MORC4: variants seen among roughly 807,000 people sequenced by gnomAD.
MORC4 encodes MORC family CW-type zinc finger protein 4.
In MORC4, 22 loss-of-function variants were observed where a neutral mutation model predicts 65.5. The observed-to-expected ratio is 0.34, with a 90% CI of 0.24 to 0.48. The LOEUF (loss-of-function observed/expected upper bound fraction) is 0.48, where lower values mean the gene tolerates loss of function less well. MORC4 is among the 20% of genes least tolerant of loss of function. The pLI, the probability that MORC4 is intolerant of heterozygous loss-of-function variation, is 0.99. For missense variants in MORC4, 624 were observed against 703.0 expected (o/e 0.89, Z 1.27); for synonymous variants, 267 against 255.8 (o/e 1.04, Z -0.42).
chrX:106,941,791 G>T, intron 16 of MORC4, 147 bp downstream of exon 16: 2 of 806,758 alleles, frequency 2.5e-6, no homozygotes, highest in South Asian at 2.6e-5. Flanking sequence ...CAGGGAGACT[G>T]GCTGCAGCTT....
At chrX:106,994,846 TTG>T (rs1353771938) in intron 2 of MORC4, among the ~76,000 whole-genome samples, 3 of 111,280 alleles carry the variant, frequency 2.7e-5, no homozygotes, top group African/African-American at 9.8e-5. Flanking sequence ...AGCCACTTTT[TTG>T]TGTTTTTATT....
At chrX:106,986,426 A>G (rs1282060730) in intron 3 of MORC4, among the ~76,000 whole-genome samples, 3 of 112,031 alleles carry the variant, frequency 2.7e-5, no homozygotes, top group Non-Finnish European at 5.6e-5. Context: ...GTTTGTGTAT[A>G]CATAAATAGT....
intron 14 of MORC4, among the ~76,000 whole-genome samples, chrX:106,947,351 C>T (rs1170682615): frequency 9.3e-6 from 1 of 107,880 alleles, no homozygotes; most frequent in Admixed American, 1.0e-4. Context: ...GTATGTATGT[C>T]AGGTCTGGTT....
chrX:106,966,836 A>C (rs1027435200), intron 9 of MORC4, among the ~76,000 whole-genome samples: 2 of 112,806 alleles, frequency 1.8e-5, no homozygotes, highest in Non-Finnish European at 3.8e-5. Flanking sequence ...ACAGCTCAGC[A>C]AGGCCTACTG....
intron 9 of MORC4, among the ~76,000 whole-genome samples, chrX:106,970,889 C>T (rs1285777763): frequency 1.8e-5 from 2 of 111,744 alleles, no homozygotes; most frequent in East Asian, 5.6e-4. Context: ...GGCCTTAGTG[C>T]CCAAAGTAAT....
In MORC4 at chrX:106,941,471, T is replaced by C. The variant is rs772996935; in HGVS notation, c.*8A>G. 6 of 1,191,490 alleles carry C rather than the reference T, an allele frequency of 5.0e-6. No homozygotes were observed. In the East Asian group the frequency reaches 1.8e-4, roughly 36 times the overall value. On this transcript the variant is annotated 3_prime_UTR_variant, in exon 17 of 17. Coordinates refer to ENST00000355610, the MANE Select transcript of MORC4 (RefSeq NM_024657.5). ...GATAAGAGAAGAGAAGGGTATACAG[T>C]CTGGTGCTCAATCCAGTATGTGATT...
chrX:106,985,258 A>T lies in MORC4; in HGVS notation c.527-15T>A, dbSNP rs1334213592. ...AATCATTTTTTGTAAAATCAAATAT[A>T]GTCAAAGAAAAAATAATATCTTAGG... On this transcript the variant is annotated splice_polypyrimidine_tract_variant and intron_variant, in intron 4 of 16. Transcript: ENST00000355610. 9.1e-7 allele frequency: 1 copy of T among 1,101,979 alleles called. No homozygotes were observed. Among genetic ancestry groups the T allele is most frequent in the African/African-American group, 1.8e-5 (1 of 54,587 alleles). The allele number at this position is 1,101,979 out of a possible 1,213,427, so 90.8% of individuals were successfully genotyped here.
chrX:106,952,495 C>T (rs1193898437), intron 14 of MORC4, among the ~76,000 whole-genome samples: 2 of 112,276 alleles, frequency 1.8e-5, no homozygotes, highest in East Asian at 2.8e-4. Flanking sequence ...TTATGCGGCA[C>T]GATTATACAT....
intron 3 of MORC4, among the ~76,000 whole-genome samples, chrX:106,987,987 A>T (rs1014747407): frequency 3.6e-5 from 4 of 111,266 alleles, no homozygotes; most frequent in African/African-American, 9.8e-5. Flanking sequence ...ATTGGCTTTT[A>T]AAAAAAATGG....
chrX:106,951,468 T>C (rs1933965491), intron 14 of MORC4, among the ~76,000 whole-genome samples: 1 of 110,553 alleles, frequency 9.0e-6, no homozygotes, highest in Non-Finnish European at 1.9e-5. Flanking sequence ...CAGCCTATGC[T>C]CAAGCGATCC....
chrX:106,978,053 T>C, intron 8 of MORC4, 27 bp downstream of exon 8: 2 of 1,206,852 alleles, frequency 1.7e-6, no homozygotes, highest in Non-Finnish European at 2.2e-6. Context: ...TTCAGCCTCC[T>C]ATGACAAAGA....
intron 9 of MORC4, among the ~76,000 whole-genome samples, chrX:106,963,220 G>T (rs953567488): frequency 8.9e-6 from 1 of 111,797 alleles, no homozygotes; most frequent in Non-Finnish European, 1.9e-5. Context: ...TGGGCATATG[G>T]GAAGATGGCA....
rs748784874 is a variant in MORC4, at chrX:106,985,985, T to C, written c.524A>G (p.Asn175Ser). 44 of 1,197,894 alleles carry C rather than the reference T, an allele frequency of 3.7e-5. No homozygotes were observed. The highest frequency in any genetic ancestry group is 4.3e-5 in the Non-Finnish European group (38 of 885,482). Residue 175 changes from asparagine (N) to serine (S), a missense_variant and splice_region_variant, in exon 4 of 17, where the codon AAC becomes AGC. Asn to Ser is a conservative substitution (Grantham distance 46). Transcript: ENST00000355610. ...IVPIVPFNQQ[N>S]KKMIITEDSL... ...TTCTCCATTTCCAGAAAGGATATTGTTTTGCTGGTTGAATGGAACAATTGG... is the reference window on the plus strand; with the variant it reads ...TTCTCCATTTCCAGAAAGGATATTGCTTTGCTGGTTGAATGGAACAATTGG...
At chrX:106,942,258 A>G (rs745455130) in intron 15 of MORC4, 37 bp from the exon 16 acceptor site, 11 of 1,173,536 alleles carry the variant, frequency 9.4e-6, no homozygotes, top group African/African-American at 9.0e-5. Flanking sequence ...TGACCCCACA[A>G]AAGAGCACGC....
At position 106,942,724 on chromosome X, in the gene MORC4, T is replaced by C; in HGVS notation, c.2167A>G (p.Lys723Glu). 3 of 1,211,538 alleles carry C rather than the reference T, an allele frequency of 2.5e-6. No individual in the cohort carries two copies. In the African/African-American group the frequency reaches 5.2e-5, roughly 21 times the overall value. Reference protein sequence around the residue: ...FNREELAERRKAVESWNPVPY... With the variant: ...FNREELAERREAVESWNPVPY... ...ACTGGGTTCCAGGATTCAACTGCTT[T>C]TCGTCTCTCAGCAAGCTCCTCTCTG... The change falls in exon 15 of 17, where the codon AAA (lysine) becomes GAA (glutamate). Residue 723 changes from lysine (K) to glutamate (E), a missense_variant. By Grantham distance (56) the Lys-to-Glu change is moderately conservative. Coordinates refer to ENST00000355610, the MANE Select transcript of MORC4 (RefSeq NM_024657.5).
intron 9 of MORC4, among the ~76,000 whole-genome samples, chrX:106,972,559 G>A (rs1934543600): frequency 8.9e-6 from 1 of 111,798 alleles, no homozygotes; most frequent in African/African-American, 3.3e-5. Flanking sequence ...GGAAAGACCT[G>A]CCAAGAGCCT....
intron 7 of MORC4, among the ~76,000 whole-genome samples, chrX:106,980,061 T>C (rs1252268277): frequency 1.8e-5 from 2 of 109,497 alleles, no homozygotes; most frequent in Non-Finnish European, 3.8e-5. Context: ...GCAAATAGAG[T>C]GTAAACATGT....
In MORC4 at chrX:106,975,957, T is replaced by C. The variant is rs1001989991; in HGVS notation, c.1157+627A>G. Among the ~76,000 whole-genome samples, 72 of 111,716 alleles carry C rather than the reference T, an allele frequency of 6.4e-4. 2 individuals are homozygous for C. The highest frequency in any genetic ancestry group is 5.5e-3 in the Admixed American group (58 of 10,470). On this transcript the variant is annotated intron_variant, in intron 9 of 16. Transcript: ENST00000355610. ...AGTCTTATTTTTCATCCTTAGTACC[T>C]GGCACATAGAAGCTGTCTCATAATA...
At chrX:106,993,093 T>C (rs1042482797) in intron 3 of MORC4, 137 bp downstream of exon 3, 2 of 639,733 alleles carry the variant, frequency 3.1e-6, no homozygotes, top group Non-Finnish European at 4.7e-6. Context: ...TCATAACCAG[T>C]GCCCTGGCAC....
Sources: allele counts gnomAD v4.1 joint callset (sites outside exome capture counted in the v4.1 genomes callset), GRCh38; gene constraint gnomAD v4.1.1; transcripts MANE v1.5; gene names NCBI Gene and HGNC (gene_info 2026-07-23, HGNC 2026-07-21).